The following NCKAP1 variants were observed in gnomAD, a reference collection of about 807,000 sequenced individuals.
NCKAP1 encodes the protein nck-associated protein 1.
NCKAP1 carries 21 observed loss-of-function variants against 151.2 expected under a neutral mutation model. The ratio of observed to expected loss-of-function variants is 0.14; its 90% CI spans 0.10 to 0.20. The LOEUF is 0.20. NCKAP1 is among the 10% of genes least tolerant of loss of function. The probability of loss-of-function intolerance (pLI) is 1.00; values close to 1 mark genes in which losing one functional copy is unlikely to be tolerated. For missense variants in NCKAP1, 933 were observed against 1,352.1 expected (o/e 0.69, Z 4.86); for synonymous variants, 484 against 451.8 (o/e 1.07, Z -0.90).
chr2:182,926,055 T>C (rs1446950644), intron 30 of NCKAP1, among the ~76,000 whole-genome samples: 9 of 152,142 alleles, frequency 5.9e-5, no homozygotes, highest in African/African-American at 2.2e-4. Flanking sequence ...TAAATTTATT[T>C]AATCAACAGG....
chr2:182,934,710 G>T, intron 26 of NCKAP1, 42 bp downstream of exon 26: 3 of 971,156 alleles, frequency 3.1e-6, no homozygotes, highest in Non-Finnish European at 3.2e-6. Flanking sequence ...TAAATATTTC[G>T]CTTTAGAGAC....
chr2:182,925,034 A>G lies in NCKAP1; in HGVS notation c.*668T>C, dbSNP rs1425838453. On this transcript the variant is annotated 3_prime_UTR_variant, in exon 31 of 31. Coordinates refer to ENST00000361354, the MANE Select transcript of NCKAP1 (RefSeq NM_013436.5). The stretch of plus-strand genomic sequence containing the variant: ...ATTGTTTATTATACAGCAGGGTACA[A>G]TGGTAGTGCTAATGCCAACAGGGCA... 1 of 152,158 alleles carries G rather than the reference A, an allele frequency of 6.6e-6. No individual in the cohort carries two copies. Among genetic ancestry groups the G allele is most frequent in the Non-Finnish European group, 1.5e-5 (1 of 67,980 alleles). 9.4% of individuals were successfully genotyped at this position (152,158 alleles called of 1,614,324 possible).
At chr2:183,025,006 A>T (rs748726881) in intron 1 of NCKAP1, 2 of 1,611,524 alleles carry the variant, frequency 1.2e-6, no homozygotes, top group Non-Finnish European at 1.7e-6. Context: ...CTGGGGAAGC[A>T]TTGTAATAAA....
intron 8 of NCKAP1, among the ~76,000 whole-genome samples, chr2:182,991,250 C>A (rs530103919): frequency 1.4e-4 from 22 of 152,244 alleles, no homozygotes; most frequent in Non-Finnish European, 2.8e-4. Context: ...CCAAAAAAGG[C>A]AAATGAATTT....
chr2:183,005,971 T>C (rs538637422), intron 2 of NCKAP1, among the ~76,000 whole-genome samples: 3 of 152,204 alleles, frequency 2.0e-5, no homozygotes, highest in Non-Finnish European at 4.4e-5. Context: ...CCTCTAAACA[T>C]GTATAATGTC....
At position 182,913,477 on chromosome 2, in the gene NCKAP1, T is replaced by A. The variant is rs1696425547; in HGVS notation, c.*12225A>T. On this transcript the variant is annotated 3_prime_UTR_variant, in exon 31 of 31. Coordinates refer to ENST00000361354, the MANE Select transcript of NCKAP1 (RefSeq NM_013436.5). ...TGTTATAAAAGTCAGTTTGGCTCTCTCTGGTGAATCCCACCCCCACACCAT... is the reference window on the plus strand; with the variant it reads ...TGTTATAAAAGTCAGTTTGGCTCTCACTGGTGAATCCCACCCCCACACCAT... 6.6e-6 allele frequency: 1 copy of A among 152,572 alleles called. No homozygotes were observed. The highest frequency in any genetic ancestry group is 2.1e-4 in the South Asian group (1 of 4,834). 9.5% of individuals were successfully genotyped at this position (152,572 alleles called of 1,614,324 possible).
At chr2:182,936,886 G>A (rs193288915) in intron 24 of NCKAP1, among the ~76,000 whole-genome samples, 2 of 151,942 alleles carry the variant, frequency 1.3e-5, no homozygotes, top group African/African-American at 4.8e-5. Flanking sequence ...TGGCTGAGGC[G>A]GGTGGATCAC....
rs1697347014 is a variant in NCKAP1 at position 182,957,318 on chromosome 2, G to C, written c.2021+139C>G. ...AATAAGCAACTAACAGGTTAATTAA[G>C]CTCAGAAATATTTTTTAAAATGGCT... On this transcript the variant is annotated intron_variant, in intron 19 of 30. Coordinates refer to ENST00000361354, the MANE Select transcript of NCKAP1 (RefSeq NM_013436.5). 5 of 976,250 alleles carry C rather than the reference G, an allele frequency of 5.1e-6. No homozygotes were observed. In the African/African-American group the frequency reaches 6.8e-5, roughly 13 times the overall value. The allele number at this position is 976,250 out of a possible 1,614,324, so 60.5% of individuals were successfully genotyped here.
rs1216088872 is a variant in NCKAP1, at chr2:182,910,326, T to C, written c.*15376A>G. The C allele has an allele frequency of 2.0e-5, 3 of 152,214 alleles. No individual in the cohort carries two copies. The highest frequency in any genetic ancestry group is 7.2e-5 in the African/African-American group (3 of 41,434). The allele number at this position is 152,214 out of a possible 1,614,324, so 9.4% of individuals were successfully genotyped here. A position where few individuals can be genotyped will look rare whatever the true frequency, so the allele number is the denominator to read the frequency against. On this transcript the variant is annotated 3_prime_UTR_variant, in exon 31 of 31. Transcript: ENST00000361354. ...ATTTGTGTTTCTGCATCCAGGCAAA[T>C]GTACTAAAATTCTTTGAGAGATGAG...
intron 1 of NCKAP1, among the ~76,000 whole-genome samples, chr2:183,032,828 C>T (rs950852269): frequency 2.0e-5 from 3 of 152,166 alleles, no homozygotes; most frequent in Admixed American, 1.3e-4. Context: ...GAGTGGATTG[C>T]TCGACCCCAG....
intron 1 of NCKAP1, chr2:183,025,019 G>C (rs532564563): frequency 1.2e-6 from 2 of 1,609,142 alleles, no homozygotes; most frequent in South Asian, 1.1e-5. Flanking sequence ...GTAATAAAAA[G>C]AGAGAAAATT....
chr2:182,962,386 T>G, intron 17 of NCKAP1, 108 bp from the exon 18 acceptor site: 1 of 1,066,046 alleles, frequency 9.4e-7, no homozygotes, highest in Non-Finnish European at 1.3e-6. Context: ...CATTCCGCAA[T>G]AGTGAGGGTG....
chr2:183,000,561 T>C (rs1176596643), intron 6 of NCKAP1, among the ~76,000 whole-genome samples: 1 of 152,120 alleles, frequency 6.6e-6, no homozygotes, highest in African/African-American at 2.4e-5. Context: ...ATGACCATGA[T>C]ATGTGCAGTA....
At chr2:182,958,745 A>G (rs1697377249) in intron 18 of NCKAP1, among the ~76,000 whole-genome samples, 1 of 152,228 alleles carries the variant, frequency 6.6e-6, no homozygotes, top group Non-Finnish European at 1.5e-5. Context: ...GGTACAAATC[A>G]GAAATAATTG....
At chr2:182,944,827 C>T (rs879350415) in intron 23 of NCKAP1, among the ~76,000 whole-genome samples, 25 of 152,292 alleles carry the variant, frequency 1.6e-4, no homozygotes, top group Non-Finnish European at 2.2e-4. Context: ...AGTGGCCAGG[C>T]ATGGTGACTC....
chr2:182,996,078 C>T (rs1347854391), intron 6 of NCKAP1, among the ~76,000 whole-genome samples: 2 of 152,172 alleles, frequency 1.3e-5, no homozygotes, highest in Non-Finnish European at 2.9e-5. Flanking sequence ...GTCAGAAACT[C>T]ATGTTATTTT....
At chr2:182,965,060 A>T (rs1363198140) in intron 16 of NCKAP1, among the ~76,000 whole-genome samples, 3 of 152,070 alleles carry the variant, frequency 2.0e-5, no homozygotes, top group Non-Finnish European at 4.4e-5. Flanking sequence ...ACATAATCAA[A>T]TTTCATCAAA....
chr2:182,932,174 G>A (rs142413168), intron 26 of NCKAP1, among the ~76,000 whole-genome samples: 226 of 152,236 alleles, frequency 1.5e-3, no homozygotes, highest in African/African-American at 5.3e-3. Flanking sequence ...GTACACGGAT[G>A]TTCACAGTAG....
At chr2:182,988,905 A>G in intron 9 of NCKAP1, 125 bp downstream of exon 9, 1 of 698,028 alleles carries the variant, frequency 1.4e-6, no homozygotes, top group Non-Finnish European at 2.2e-6. Context: ...CTGGGATCCA[A>G]GTCAGATGGT....
Sources: gnomAD v4.1 joint callset for allele counts (sites outside exome capture counted in the v4.1 genomes callset) on GRCh38, gnomAD v4.1.1 for gene constraint, MANE v1.5 for transcripts, NCBI Gene and HGNC (gene_info 2026-07-23, HGNC 2026-07-21) for gene names.